RPRD2: variants seen among roughly 807,000 people sequenced by gnomAD.
RPRD2 encodes regulation of nuclear pre-mRNA domain-containing protein 2.
Under a neutral mutation model 104.4 loss-of-function variants are expected in RPRD2, and 12 were observed. The observed-to-expected ratio is 0.11, with a 90% CI of 0.07 to 0.19. The LOEUF (loss-of-function observed/expected upper bound fraction) is 0.19. Among genes scored for constraint, RPRD2 ranks in the 10% least tolerant of loss-of-function variants. The probability of loss-of-function intolerance (pLI) is 1.00; values close to 1 mark genes in which losing one functional copy is unlikely to be tolerated. For missense variants in RPRD2, 1,543 were observed against 1,790.1 expected (o/e 0.86, Z 2.49); for synonymous variants, 714 against 684.9 (o/e 1.04, Z -0.66).
chr1:150,457,411 A>G lies in RPRD2; in HGVS notation c.994A>G (p.Thr332Ala). The G allele has an allele frequency of 6.2e-7, 1 of 1,613,840 alleles. No individual in the cohort carries two copies. ...CCCAAGCATGGACGCTCCCTCCCCG[A>G]CTGGTTCTGAGTCTCCTTTTCAGGG... Reference protein sequence around the residue: ...PSPSMDAPSPTGSESPFQGMG... With the variant: ...PSPSMDAPSPAGSESPFQGMG... The change falls in exon 8 of 11, where the codon ACT becomes GCT. Residue 332 changes from threonine to alanine, a missense_variant. By Grantham distance (58) the Thr-to-Ala change is moderately conservative. Transcript: ENST00000369068.
chr1:150,435,578 C>T (rs1553892918), intron 2 of RPRD2, among the ~76,000 whole-genome samples: 1 of 152,144 alleles, frequency 6.6e-6, no homozygotes, highest in Non-Finnish European at 1.5e-5. Flanking sequence ...AAGATCAAGC[C>T]AGATACAACA....
At chr1:150,390,114 A>G (rs1015224248) in intron 1 of RPRD2, among the ~76,000 whole-genome samples, 5 of 152,244 alleles carry the variant, frequency 3.3e-5, no homozygotes, top group Admixed American at 2.6e-4. Flanking sequence ...AAGAATTGCC[A>G]AACACAAAGA....
At chr1:150,412,128 A>T (rs1241839784) in intron 1 of RPRD2, among the ~76,000 whole-genome samples, 1 of 150,544 alleles carries the variant, frequency 6.6e-6, no homozygotes, top group East Asian at 1.9e-4. Context: ...GTCTCCAAAA[A>T]AAAGAATAAG....
intron 1 of RPRD2, among the ~76,000 whole-genome samples, chr1:150,386,904 G>A (rs1661606997): frequency 6.6e-6 from 1 of 152,152 alleles, no homozygotes; most frequent in African/African-American, 2.4e-5. Context: ...ATATAATACT[G>A]AATTTTTATG....
intron 2 of RPRD2, among the ~76,000 whole-genome samples, chr1:150,422,349 T>TAATAATAATA (rs1408101389): frequency 3.9e-5 from 4 of 102,844 alleles, no homozygotes; most frequent in Non-Finnish European, 2.2e-5. Context: ...AAAATAATAA[T>TAATAATAATA]AATAATAATA....
chr1:150,391,321 A>G (rs1662045605), intron 1 of RPRD2, among the ~76,000 whole-genome samples: 1 of 152,140 alleles, frequency 6.6e-6, no homozygotes, highest in South Asian at 2.1e-4. Flanking sequence ...TATTTAATTC[A>G]TTTATTTATT....
chr1:150,378,425 C>T (rs1368899989), intron 1 of RPRD2, among the ~76,000 whole-genome samples: 1 of 152,140 alleles, frequency 6.6e-6, no homozygotes, highest in African/African-American at 2.4e-5. Flanking sequence ...ACTCCAAGGC[C>T]TACACTTTAC....
Position 150,472,880 on chromosome 1 carries a change from C to T in RPRD2, c.3932C>T (p.Pro1311Leu), listed in dbSNP as rs1408278864. 4 of 1,613,280 alleles carry T rather than the reference C, an allele frequency of 2.5e-6. No individual in the cohort carries two copies. In the Admixed American group the frequency reaches 5.0e-5, roughly 20 times the overall value. The change falls in exon 11 of 11, where the codon CCA becomes CTA. Residue 1311 changes from proline to leucine, a missense_variant. Coordinates refer to ENST00000369068, the MANE Select transcript of RPRD2 (RefSeq NM_015203.5). ...HSGVVPFPAPPLAEHGVAGAV... is the reference protein window; with the variant it reads ...HSGVVPFPAPLLAEHGVAGAV... ...GGAGTTGTACCCTTCCCAGCCCCAC[C>T]ACTGGCAGAGCACGGAGTGGCAGGG...
chr1:150,364,984 G>A (rs782604056), intron 1 of RPRD2, 65 bp downstream of exon 1: 34 of 1,532,804 alleles, frequency 2.2e-5, no homozygotes, highest in Non-Finnish European at 2.9e-5. Flanking sequence ...GGCCTGAAAC[G>A]CTTGGGGTTT....
chr1:150,424,484 C>T (rs2102298924), intron 2 of RPRD2, among the ~76,000 whole-genome samples: 1 of 152,150 alleles, frequency 6.6e-6, no homozygotes, highest in South Asian at 2.1e-4. Context: ...GACAGGGTTT[C>T]ACCATGTTGG....
At chr1:150,459,676 T>A (rs1234467339) in intron 8 of RPRD2, among the ~76,000 whole-genome samples, 2 of 150,118 alleles carry the variant, frequency 1.3e-5, no homozygotes, top group African/African-American at 2.5e-5. Context: ...CATTGCAACC[T>A]CTGCCTCCTG....
At chr1:150,382,408 A>G (rs1195227323) in intron 1 of RPRD2, among the ~76,000 whole-genome samples, 2 of 152,134 alleles carry the variant, frequency 1.3e-5, no homozygotes, top group Non-Finnish European at 2.9e-5. Flanking sequence ...GTTTTGAGAC[A>G]GAGTTTGGCT....
At chr1:150,391,840 A>G (rs782744720) in intron 1 of RPRD2, among the ~76,000 whole-genome samples, 4 of 152,002 alleles carry the variant, frequency 2.6e-5, no homozygotes, top group Non-Finnish European at 5.9e-5. Context: ...CCTGGGAGGC[A>G]GAGGTTGCAG....
rs1274816847 is a variant in RPRD2, at chr1:150,471,474, A to C, written c.2526A>C (p.Pro842=). 1.2e-5 allele frequency: 20 copies of C among 1,613,696 alleles called. No individual in the cohort carries two copies. The Admixed American group carries it at 3.3e-4, about 27-fold the overall frequency. ...GAGATTTTGAGTATTCAGGGCCTCCACCCTCTGCCATGATGAACCTAGAGA... is the reference window on the plus strand; with the variant it reads ...GAGATTTTGAGTATTCAGGGCCTCCCCCCTCTGCCATGATGAACCTAGAGA... ...DYRDFEYSGP[P]PSAMMNLEKK... The change falls in exon 11 of 11, where the codon CCA becomes CCC. Residue 842 remains proline, a synonymous_variant. Transcript: ENST00000369068. The surrounding 1 kb of genome is among the most constrained non-coding windows in gnomAD (Gnocchi z 5.3).
chr1:150,389,519 G>C (rs1244435538), intron 1 of RPRD2, among the ~76,000 whole-genome samples: 2 of 152,150 alleles, frequency 1.3e-5, no homozygotes, highest in African/African-American at 2.4e-5. Flanking sequence ...ATGATATCAA[G>C]AGTGTCCATC....
Position 150,476,544 on chromosome 1 carries a change from T to G in RPRD2, c.*3210T>G, listed in dbSNP as rs1411982279. On this transcript the variant is annotated 3_prime_UTR_variant, in exon 11 of 11. Transcript: ENST00000369068. ...CTTTTGAAATGTGTGTTAATATCGTTTAATAAAATAACTAGTTTGAAAGGT... is the reference window on the plus strand; with the variant it reads ...CTTTTGAAATGTGTGTTAATATCGTGTAATAAAATAACTAGTTTGAAAGGT... The G allele has an allele frequency of 2.0e-5, 3 of 152,192 alleles. No individual in the cohort carries two copies. Among genetic ancestry groups the G allele is most frequent in the African/African-American group, 7.2e-5 (3 of 41,452 alleles). 9.4% of individuals were successfully genotyped at this position (152,192 alleles called of 1,614,324 possible).
At chr1:150,367,020 G>C (rs1178886796) in intron 1 of RPRD2, among the ~76,000 whole-genome samples, 3 of 152,140 alleles carry the variant, frequency 2.0e-5, no homozygotes, top group South Asian at 4.1e-4. Context: ...TTGTGCCTGA[G>C]CTTATTTCCT....
At position 150,364,932 on chromosome 1, in the gene RPRD2, G is replaced by T; in HGVS notation, c.205+13G>T. The T allele has an allele frequency of 6.2e-7, 1 of 1,613,050 alleles. No individual in the cohort carries two copies. The highest frequency in any genetic ancestry group is 8.5e-7 in the Non-Finnish European group (1 of 1,179,324). On this transcript the variant is annotated intron_variant, in intron 1 of 10. Transcript: ENST00000369068. ...TGGCTCCGGAGATGTGAGTGTTGGG[G>T]GTGACTAGGGAAGGGAAGACTGGGG...
chr1:150,402,756 C>T (rs1418867290), intron 1 of RPRD2, among the ~76,000 whole-genome samples: 1 of 152,080 alleles, frequency 6.6e-6, no homozygotes, highest in Non-Finnish European at 1.5e-5. Flanking sequence ...CACCTGAGGT[C>T]GGGAGTTCGA....
Sources: allele counts gnomAD v4.1 joint callset (sites outside exome capture counted in the v4.1 genomes callset), GRCh38; gene constraint gnomAD v4.1.1; non-coding constraint Gnocchi (gnomAD v3.1); transcripts MANE v1.5; gene names NCBI Gene and HGNC (gene_info 2026-07-23, HGNC 2026-07-21).